The following MARCHF2 variants were observed in gnomAD, a reference collection of about 807,000 sequenced individuals.
MARCHF2 encodes membrane associated ring-CH-type finger 2.
In MARCHF2, 22 loss-of-function variants were observed where a neutral mutation model predicts 24.0. That is an observed-to-expected ratio of 0.92 (90% CI 0.66 to 1.31). MARCHF2 has a LOEUF of 1.31. MARCHF2 is among the 50% of genes most tolerant of loss of function. MARCHF2 has a pLI of 0.00. For synonymous variants in MARCHF2, 154 were observed against 153.0 expected (o/e 1.01, Z -0.05); for missense variants, 301 against 335.3 (o/e 0.90, Z 0.80).
intron 4 of MARCHF2, among the ~76,000 whole-genome samples, chr19:8,437,349 A>T (rs7408547): frequency 0.28 from 7,068 of 25,224 alleles, 1,552 homozygotes; most frequent in Middle Eastern, 0.69. Flanking sequence ...TCATTCACCT[A>T]TTTTTTTTTT....
chr19:8,424,439 G>A (rs981698528), intron 2 of MARCHF2, among the ~76,000 whole-genome samples: 3 of 152,014 alleles, frequency 2.0e-5, no homozygotes, highest in Non-Finnish European at 4.4e-5. Flanking sequence ...AGGCCGAGGC[G>A]GGTGGATCAC....
rs1967809455 is a variant in MARCHF2, at chr19:8,439,017, A to G, written c.*471A>G. 1 of 153,974 alleles carries G rather than the reference A, an allele frequency of 6.5e-6. No homozygotes were observed. The highest frequency in any genetic ancestry group is 2.4e-5 in the African/African-American group (1 of 41,448). 9.5% of individuals were successfully genotyped at this position (153,974 alleles called of 1,614,324 possible). A position where few individuals can be genotyped will look rare whatever the true frequency, so the allele number is the denominator to read the frequency against. On this transcript the variant is annotated 3_prime_UTR_variant, in exon 5 of 5. Transcript: ENST00000215555. Reference sequence around the variant, plus strand: ...ATAAAAGGAGCCCTGGCTGGACAAAATGGACTTGTCAGTTATGTTTCTCAA... The same window carrying G: ...ATAAAAGGAGCCCTGGCTGGACAAAGTGGACTTGTCAGTTATGTTTCTCAA...
chr19:8,426,811 T>C lies in MARCHF2; in HGVS notation c.372+7T>C, dbSNP rs1287417124. 4 of 1,611,136 alleles carry C rather than the reference T, an allele frequency of 2.5e-6. No homozygotes were observed. The highest frequency in any genetic ancestry group is 3.4e-6 in the Non-Finnish European group (4 of 1,179,482). ...GCCTCGACCCCTCACAGAGGTACCC[T>C]TAAGAGTCTGAGACTGCGGTGGGCA... On this transcript the variant is annotated splice_region_variant and intron_variant, in intron 3 of 4. Coordinates refer to ENST00000215555, the MANE Select transcript of MARCHF2 (RefSeq NM_001005415.2).
In MARCHF2 at chr19:8,430,910, G is replaced by T. The variant is rs766437726; in HGVS notation, c.582+43G>T. The T allele has an allele frequency of 6.6e-7, 1 of 1,520,040 alleles. No individual in the cohort carries two copies. The allele number at this position is 1,520,040 out of a possible 1,614,324, so 94.2% of individuals were successfully genotyped here. A position where few individuals can be genotyped will look rare whatever the true frequency, so the allele number is the denominator to read the frequency against. On this transcript the variant is annotated intron_variant, in intron 4 of 4. Coordinates refer to ENST00000215555, the MANE Select transcript of MARCHF2 (RefSeq NM_001005415.2). This position sits in a 1 kb window ranked among gnomAD's most constrained non-coding sequence, Gnocchi z 4.4. ...TGCAGCACGCGTCTCGAGCTCTGCC[G>T]CTGGGAGCAGCAGGGCCAAGGATTT...
intron 1 of MARCHF2, among the ~76,000 whole-genome samples, chr19:8,418,977 T>C (rs1356112499): frequency 6.6e-6 from 1 of 152,032 alleles, no homozygotes. Context: ...TCTTGGGGGT[T>C]GGACAAGCTG....
At chr19:8,420,017 G>A (rs1040352847) in intron 1 of MARCHF2, among the ~76,000 whole-genome samples, 1 of 149,964 alleles carries the variant, frequency 6.7e-6, no homozygotes, top group African/African-American at 2.5e-5. Context: ...AATTAGCCGG[G>A]TGTGTTGGCG....
chr19:8,419,721 C>T (rs866196997), intron 1 of MARCHF2, among the ~76,000 whole-genome samples: 1,368 of 129,878 alleles, frequency 0.011, 20 homozygotes, highest in African/African-American at 0.039. Context: ...GAGGCTGAGG[C>T]AGGAGAATGG....
Position 8,438,508 on chromosome 19 carries a change from G to A in MARCHF2, c.703G>A (p.Gly235Arg). Residue 235 changes from glycine (G) to arginine (R), a missense_variant, in exon 5 of 5, where the codon GGA becomes AGA. Coordinates refer to ENST00000215555, the MANE Select transcript of MARCHF2 (RefSeq NM_001005415.2). ...EGPQHSPLAA[G>R]LLKKVAEETP... ...CCCCCAGCATTCTCCACTGGCAGCT[G>A]GACTCCTGAAGAAGGTGGCAGAGGA... 6.2e-7 allele frequency: 1 copy of A among 1,614,156 alleles called. No homozygotes were observed. Among genetic ancestry groups the A allele is most frequent in the Non-Finnish European group, 8.5e-7 (1 of 1,180,042 alleles).
rs370862443 is a variant in MARCHF2 at position 8,438,729 on chromosome 19, G to GTTT, written c.*200_*202dup. ...GATCCTGTGTGAAGATATTTTCAGG[G>GTTT]TTTTTTTTTTTTTTTTTTTGCATAT... On this transcript the variant is annotated 3_prime_UTR_variant, in exon 5 of 5. Transcript: ENST00000215555. 3.2e-4 allele frequency: 121 copies of GTTT among 375,720 alleles called. No individual in the cohort carries two copies. Among genetic ancestry groups the GTTT allele is most frequent in the Middle Eastern group, 7.9e-4 (1 of 1,260 alleles). 23.3% of individuals were successfully genotyped at this position (375,720 alleles called of 1,614,324 possible). A position where few individuals can be genotyped will look rare whatever the true frequency, so the allele number is the denominator to read the frequency against.
rs138648064 is a variant in MARCHF2, at chr19:8,422,013, C to T, written c.173C>T (p.Pro58Leu). The T allele has an allele frequency of 9.3e-6, 15 of 1,608,346 alleles. No homozygotes were observed. The highest frequency in any genetic ancestry group is 3.3e-4 in the Middle Eastern group (2 of 6,046). Residue 58 changes from proline to leucine, a missense_variant, in exon 2 of 5, where the codon CCG becomes CTG. Transcript: ENST00000215555. ...ACCGTCATCCGTGCCTTGGACACAC[C>T]GAGGTGAGTGGTGACTGCGTGGATA... ...LSTVIRALDT[P>L]SDGPFCRICH...
chr19:8,422,286 A>C (rs927754680), intron 2 of MARCHF2, among the ~76,000 whole-genome samples: 4 of 152,126 alleles, frequency 2.6e-5, no homozygotes, highest in African/African-American at 9.7e-5. Context: ...GAGGCAGTAT[A>C]GGGGGCGGTC....
At position 8,430,787 on chromosome 19, in the gene MARCHF2, C is replaced by T. The variant is rs543461209; in HGVS notation, c.502C>T (p.Arg168Trp). Residue 168 changes from arginine (R) to tryptophan (W), a missense_variant, in exon 4 of 5, where the codon CGG becomes TGG. Physicochemically the swap from Arg to Trp is moderately radical, Grantham distance 101. Coordinates refer to ENST00000215555, the MANE Select transcript of MARCHF2 (RefSeq NM_001005415.2). This position sits in a 1 kb window ranked among gnomAD's most constrained non-coding sequence, Gnocchi z 4.4. Reference sequence around the variant, plus strand: ...CCTGCGCGGGGCCCAGGACCACCTCCGGCTCCACAGCCAGCTGGAGGCCGT... The same window carrying T: ...CCTGCGCGGGGCCCAGGACCACCTCTGGCTCCACAGCCAGCTGGAGGCCGT... ...LCLRGAQDHL[R>W]LHSQLEAVGL... The T allele has an allele frequency of 2.3e-5, 37 of 1,610,944 alleles. No individual in the cohort carries two copies. The highest frequency in any genetic ancestry group is 3.1e-5 in the Non-Finnish European group (37 of 1,180,028).
At chr19:8,421,729 A>C (rs1031883623) in intron 1 of MARCHF2, 60 bp from the exon 2 acceptor site, 26 of 954,198 alleles carry the variant, frequency 2.7e-5, no homozygotes, top group Non-Finnish European at 3.7e-5. Flanking sequence ...AGGGGACTCA[A>C]ACCTTAGTCC....
chr19:8,438,726 AGG>A lies in MARCHF2; in HGVS notation c.*182_*183del. 3.4e-4 allele frequency: 175 copies of A among 517,176 alleles called. No individual in the cohort carries two copies. Among genetic ancestry groups the A allele is most frequent in the South Asian group, 1.4e-3 (49 of 34,016 alleles). The allele number at this position is 517,176 out of a possible 1,614,324, so 32.0% of individuals were successfully genotyped here. The stretch of plus-strand genomic sequence containing the variant: ...TGTGATCCTGTGTGAAGATATTTTC[AGG>A]GTTTTTTTTTTTTTTTTTTTGCATA... On this transcript the variant is annotated 3_prime_UTR_variant, in exon 5 of 5. Coordinates refer to ENST00000215555, the MANE Select transcript of MARCHF2 (RefSeq NM_001005415.2).
At chr19:8,424,645 T>C (rs1034587262) in intron 2 of MARCHF2, among the ~76,000 whole-genome samples, 6 of 151,462 alleles carry the variant, frequency 4.0e-5, no homozygotes, top group Non-Finnish European at 8.8e-5. Context: ...CCAGCCTGGG[T>C]GACAGAGCAA....
At chr19:8,423,529 G>GGATC (rs1345407435) in intron 2 of MARCHF2, 1 of 151,976 alleles carries the variant, frequency 6.6e-6, no homozygotes. Context: ...GGGGAGGGTG[G>GGATC]GATCGGGGTA....
At chr19:8,422,163 T>C in intron 2 of MARCHF2, 147 bp downstream of exon 2, 1 of 839,780 alleles carries the variant, frequency 1.2e-6, no homozygotes, top group Non-Finnish European at 1.7e-6. Context: ...AGTTATCGCC[T>C]TGTGGAAACA....
At chr19:8,437,621 G>A (rs1334414460) in intron 4 of MARCHF2, among the ~76,000 whole-genome samples, 2 of 151,566 alleles carry the variant, frequency 1.3e-5, no homozygotes, top group South Asian at 2.1e-4. Flanking sequence ...AAAGTGCTGG[G>A]ATTACAGGCG....
intron 1 of MARCHF2, among the ~76,000 whole-genome samples, chr19:8,414,381 C>A (rs1967024887): frequency 6.6e-6 from 1 of 151,912 alleles, no homozygotes; most frequent in South Asian, 2.1e-4. Flanking sequence ...GCGATTCCTA[C>A]CTCACCCTGG....
Sources: allele counts gnomAD v4.1 joint callset (sites outside exome capture counted in the v4.1 genomes callset), GRCh38; gene constraint gnomAD v4.1.1; non-coding constraint Gnocchi (gnomAD v3.1); transcripts MANE v1.5; gene names NCBI Gene and HGNC (gene_info 2026-07-23, HGNC 2026-07-21).